CASQ2: variants seen among roughly 807,000 people sequenced by gnomAD.
CASQ2 encodes the protein calsequestrin-2.
In CASQ2, 49 loss-of-function variants were observed where a neutral mutation model predicts 46.5. The observed-to-expected ratio is 1.05, with a 90% CI of 0.84 to 1.34. The LOEUF (loss-of-function observed/expected upper bound fraction) is 1.34. Among genes scored for constraint, CASQ2 ranks in the 40% most tolerant of loss-of-function variants. The probability of loss-of-function intolerance (pLI) is 0.00; values close to 1 mark genes in which losing one functional copy is unlikely to be tolerated. For synonymous variants in CASQ2, 174 were observed against 168.5 expected (o/e 1.03, Z -0.25); for missense variants, 486 against 481.3 (o/e 1.01, Z -0.09).
intron 1 of CASQ2, among the ~76,000 whole-genome samples, chr1:115,750,919 T>A (rs891637565): frequency 4.0e-5 from 1 of 24,762 alleles, no homozygotes; most frequent in African/African-American, 5.4e-5. Flanking sequence ...TCGCACCTAA[T>A]GACAGGGTGG....
intron 4 of CASQ2, 90 bp from the exon 5 acceptor site, chr1:115,733,064 C>T (rs1172479227): frequency 1.2e-6 from 1 of 854,844 alleles, no homozygotes. Context: ...AGTAGAAAGC[C>T]AATTAATCCT....
Position 115,703,063 on chromosome 1 carries a change from G to A in CASQ2, c.940-68C>T, listed in dbSNP as rs1348902975. 10 of 1,240,000 alleles carry A rather than the reference G, an allele frequency of 8.1e-6. No individual in the cohort carries two copies. In the East Asian group the frequency reaches 9.6e-5, roughly 12 times the overall value. 76.8% of individuals were successfully genotyped at this position (1,240,000 alleles called of 1,614,324 possible). The stretch of plus-strand genomic sequence containing the variant: ...ATTCTCTGTTAAGGACCCACCCGCC[G>A]TCCCATCACAGTAACTAGGTCACCA... On this transcript the variant is annotated intron_variant, in intron 9 of 10. Coordinates refer to ENST00000261448, the MANE Select transcript of CASQ2 (RefSeq NM_001232.4).
chr1:115,714,948 A>G (rs1381331930), intron 8 of CASQ2, among the ~76,000 whole-genome samples: 1 of 152,240 alleles, frequency 6.6e-6, no homozygotes, highest in African/African-American at 2.4e-5. Flanking sequence ...CTGGAGCTTG[A>G]TTCATTACAG....
chr1:115,705,919 G>C (rs1190608538), intron 8 of CASQ2, among the ~76,000 whole-genome samples: 1 of 151,912 alleles, frequency 6.6e-6, no homozygotes, highest in Non-Finnish European at 1.5e-5. Context: ...AAGCAGAGAG[G>C]AGCTTTATAA....
intron 1 of CASQ2, among the ~76,000 whole-genome samples, chr1:115,763,835 G>C (rs1649040108): frequency 6.6e-6 from 1 of 152,156 alleles, no homozygotes; most frequent in Non-Finnish European, 1.5e-5. Context: ...ATATTTATAG[G>C]ACATGATAGG....
chr1:115,757,999 C>T (rs1285761265), intron 1 of CASQ2, among the ~76,000 whole-genome samples: 1 of 152,210 alleles, frequency 6.6e-6, no homozygotes, highest in Non-Finnish European at 1.5e-5. Flanking sequence ...CATTTAGGTT[C>T]AACACATAGT....
intron 8 of CASQ2, among the ~76,000 whole-genome samples, chr1:115,716,042 A>C (rs1249001320): frequency 6.6e-6 from 1 of 152,156 alleles, no homozygotes; most frequent in Non-Finnish European, 1.5e-5. Flanking sequence ...CCATCTCTAG[A>C]TCTCTCCCTA....
At chr1:115,720,639 T>C (rs1430984885) in intron 7 of CASQ2, among the ~76,000 whole-genome samples, 1 of 152,196 alleles carries the variant, frequency 6.6e-6, no homozygotes, top group Admixed American at 6.5e-5. Flanking sequence ...ATAAAGTAAC[T>C]GAGTGCAAGA....
Position 115,700,995 on chromosome 1 carries a change from C to A in CASQ2, c.*246G>T, listed in dbSNP as rs1288561213. On this transcript the variant is annotated 3_prime_UTR_variant, in exon 11 of 11. Coordinates refer to ENST00000261448, the MANE Select transcript of CASQ2 (RefSeq NM_001232.4). ...GTCCAGCAAAGAACAAGATCTGTTC[C>A]GTGACAGTCAAGACAGTCAACATGG... The A allele has an allele frequency of 4.7e-6, 3 of 634,276 alleles. No individual in the cohort carries two copies. Among genetic ancestry groups the A allele is most frequent in the Non-Finnish European group, 8.4e-6 (3 of 356,154 alleles). 39.3% of individuals were successfully genotyped at this position (634,276 alleles called of 1,614,324 possible).
intron 8 of CASQ2, among the ~76,000 whole-genome samples, chr1:115,707,173 T>A (rs1164036533): frequency 6.6e-6 from 1 of 152,164 alleles, no homozygotes; most frequent in African/African-American, 2.4e-5. Context: ...TGTGCCACTA[T>A]GCCCAGCTAG....
At chr1:115,733,577 G>T (rs1025374038) in intron 4 of CASQ2, among the ~76,000 whole-genome samples, 1 of 152,002 alleles carries the variant, frequency 6.6e-6, no homozygotes, top group African/African-American at 2.4e-5. Context: ...ATTGACTATG[G>T]TCTCAAACTT....
chr1:115,737,887 G>A (rs1648019708), intron 4 of CASQ2, among the ~76,000 whole-genome samples: 1 of 152,192 alleles, frequency 6.6e-6, no homozygotes, highest in Non-Finnish European at 1.5e-5. Flanking sequence ...CCAATGCCAG[G>A]GAGACAGCCC....
chr1:115,710,931 G>A (rs1428079018), intron 8 of CASQ2, among the ~76,000 whole-genome samples: 1 of 152,120 alleles, frequency 6.6e-6, no homozygotes, highest in Non-Finnish European at 1.5e-5. Flanking sequence ...TGTTTCCCTG[G>A]CAGGGACTGG....
At chr1:115,739,623 A>T (rs1175211556) in intron 3 of CASQ2, among the ~76,000 whole-genome samples, 1 of 152,220 alleles carries the variant, frequency 6.6e-6, no homozygotes, top group Non-Finnish European at 1.5e-5. Context: ...GAATGAGGAA[A>T]TGCAATGTAT....
chr1:115,717,414 C>G (rs763670840), intron 8 of CASQ2, among the ~76,000 whole-genome samples: 33 of 152,196 alleles, frequency 2.2e-4, no homozygotes, highest in Admixed American at 4.6e-4. Flanking sequence ...TTACCCAGAT[C>G]AATCAATGAC....
chr1:115,754,303 C>T (rs780480081), intron 1 of CASQ2, among the ~76,000 whole-genome samples: 27 of 151,994 alleles, frequency 1.8e-4, no homozygotes, highest in African/African-American at 5.1e-4. Context: ...AAAGAGCCTT[C>T]GGGGAGAGAG....
At chr1:115,705,787 A>G (rs1654340699) in intron 8 of CASQ2, among the ~76,000 whole-genome samples, 2 of 152,180 alleles carry the variant, frequency 1.3e-5, no homozygotes, top group Admixed American at 6.5e-5. Context: ...TTGGTTTCAC[A>G]GCTCTGAGAT....
At chr1:115,755,114 G>A (rs1405835799) in intron 1 of CASQ2, among the ~76,000 whole-genome samples, 1 of 152,228 alleles carries the variant, frequency 6.6e-6, no homozygotes, top group Non-Finnish European at 1.5e-5. Flanking sequence ...TTATTGCGTA[G>A]CATTTTGCCA....
chr1:115,729,214 T>A (rs1003056152), intron 5 of CASQ2, among the ~76,000 whole-genome samples: 1 of 152,014 alleles, frequency 6.6e-6, no homozygotes, highest in Non-Finnish European at 1.5e-5. Flanking sequence ...CACACCCAGC[T>A]AATTTTTGTA....
Sources: gnomAD v4.1 joint callset for allele counts (sites outside exome capture counted in the v4.1 genomes callset) on GRCh38, gnomAD v4.1.1 for gene constraint, MANE v1.5 for transcripts, NCBI Gene and HGNC (gene_info 2026-07-23, HGNC 2026-07-21) for gene names.